The following FMN1 variants were observed in gnomAD, a reference collection of about 807,000 sequenced individuals.
FMN1 encodes formin-1.
Under a neutral mutation model 132.4 loss-of-function variants are expected in FMN1, and 110 were observed. The ratio of observed to expected loss-of-function variants is 0.83; its 90% CI spans 0.71 to 0.97. The LOEUF is 0.97. Ranked by LOEUF, FMN1 falls within the 50% of genes least tolerant of loss-of-function variation. The probability of loss-of-function intolerance (pLI) is 0.00; values close to 1 mark genes in which losing one functional copy is unlikely to be tolerated. For missense variants in FMN1, 1,792 were observed against 1,705.3 expected, an observed-to-expected ratio of 1.05 and a Z score of -0.90; for synonymous variants, 722 against 651.7, an observed-to-expected ratio of 1.11 and a Z score of -1.64.
At chr15:32,921,161 G>T (rs2060811932) in intron 10 of FMN1, among the ~76,000 whole-genome samples, 1 of 152,156 alleles carries the variant, frequency 6.6e-6, no homozygotes, top group Non-Finnish European at 1.5e-5. Context: ...TATTAGGGTG[G>T]GAGGACCTAG....
At chr15:32,891,680 G>A (rs1216476413) in intron 15 of FMN1, among the ~76,000 whole-genome samples, 2 of 152,154 alleles carry the variant, frequency 1.3e-5, no homozygotes, top group East Asian at 3.9e-4. Context: ...CCATCCATGA[G>A]CATGGGATAG....
At chr15:32,778,782 A>T (rs1325477353) in intron 19 of FMN1, among the ~76,000 whole-genome samples, 1 of 152,202 alleles carries the variant, frequency 6.6e-6, no homozygotes, top group Admixed American at 6.5e-5. Flanking sequence ...GAATTACCAT[A>T]TGACCCAGCA....
chr15:32,886,923 C>G (rs979262314), intron 16 of FMN1, among the ~76,000 whole-genome samples: 1 of 152,090 alleles, frequency 6.6e-6, no homozygotes, highest in Admixed American at 6.5e-5. Context: ...CAGAAAATAA[C>G]GACCGCAAGT....
chr15:32,924,447 G>A (rs902952152), intron 10 of FMN1, among the ~76,000 whole-genome samples: 1 of 152,166 alleles, frequency 6.6e-6, no homozygotes, highest in Non-Finnish European at 1.5e-5. Context: ...GTGTCTTGTA[G>A]GTCAGGACCT....
Position 32,766,148 on chromosome 15 carries a change from A to C in FMN1, c.*8162T>G, listed in dbSNP as rs2056038620. 6.6e-6 allele frequency: 1 copy of C among 152,068 alleles called. No individual in the cohort carries two copies. The highest frequency in any genetic ancestry group is 1.5e-5 in the Non-Finnish European group (1 of 68,030). The allele number at this position is 152,068 out of a possible 1,614,324, so 9.4% of individuals were successfully genotyped here. Reference sequence around the variant, plus strand: ...TACAGACTGGTCTAATACTTAATTAAACAGAAAAGCCTATGTTTTACCAGG... The same window carrying C: ...TACAGACTGGTCTAATACTTAATTACACAGAAAAGCCTATGTTTTACCAGG... On this transcript the variant is annotated 3_prime_UTR_variant, in exon 21 of 21. Transcript: ENST00000616417.
At chr15:33,090,163 A>AGG (rs2141364992) in intron 4 of FMN1, among the ~76,000 whole-genome samples, 1 of 152,314 alleles carries the variant, frequency 6.6e-6, no homozygotes, top group African/African-American at 2.4e-5. Flanking sequence ...TTAAAGGTTT[A>AGG]GGCTCAGTGT....
chr15:32,798,956 G>A lies in FMN1; in HGVS notation c.3981-3C>T, dbSNP rs1371047284. 6.2e-7 allele frequency: 1 copy of A among 1,612,386 alleles called. No homozygotes were observed. Among genetic ancestry groups the A allele is most frequent in the Non-Finnish European group, 8.5e-7 (1 of 1,179,380 alleles). On this transcript the variant is annotated splice_region_variant and splice_polypyrimidine_tract_variant and intron_variant, in intron 18 of 20. Coordinates refer to ENST00000616417, the MANE Select transcript of FMN1 (RefSeq NM_001277313.2). The stretch of plus-strand genomic sequence containing the variant: ...AATATCGTACTGTTGTTTCAAAACT[G>A]CAACAGGTAGGGGGGAAAATGGAAT...
chr15:32,969,384 G>A lies in FMN1; in HGVS notation c.2317C>T (p.Leu773=), dbSNP rs1212375914. 1 of 1,613,934 alleles carries A rather than the reference G, an allele frequency of 6.2e-7. No homozygotes were observed. Among genetic ancestry groups the A allele is most frequent in the Non-Finnish European group, 8.5e-7 (1 of 1,179,894 alleles). ...EETIENLKHE[L]EHRWRGGCEE... ...CAACCCCCTCGCCATCTGTGTTCTA[G>A]CTCGTGTTTCAGATTTTCAATGGTT... Residue 773 remains leucine (L), a synonymous_variant, in exon 8 of 21, where the codon CTA becomes TTA. Coordinates refer to ENST00000616417, the MANE Select transcript of FMN1 (RefSeq NM_001277313.2).
intron 18 of FMN1, among the ~76,000 whole-genome samples, chr15:32,799,458 A>G (rs1176216481): frequency 6.6e-6 from 1 of 152,190 alleles, no homozygotes; most frequent in Admixed American, 6.5e-5. Flanking sequence ...TCAATCACTC[A>G]GCATCTTTGA....
chr15:33,017,395 A>T (rs1376594175), intron 6 of FMN1, among the ~76,000 whole-genome samples: 2 of 144,394 alleles, frequency 1.4e-5, no homozygotes, highest in Non-Finnish European at 3.0e-5. Context: ...AAAGTGTGGT[A>T]TGTGGGCGCA....
rs76060853 is a variant in FMN1 at position 33,042,403 on chromosome 15, A to G, written c.2161+22554T>C. Among the ~76,000 whole-genome samples, 666 of 152,306 alleles carry G rather than the reference A, an allele frequency of 4.4e-3. 30 individuals are homozygous for G. In the East Asian group the frequency reaches 0.11, roughly 25 times the overall value. The stretch of plus-strand genomic sequence containing the variant: ...GAGAAAATGACCTTAAAGCTCATAT[A>G]CAAGAGTGTAAGTGCCTAAGCATCC... On this transcript the variant is annotated intron_variant, in intron 6 of 20. Coordinates refer to ENST00000616417, the MANE Select transcript of FMN1 (RefSeq NM_001277313.2).
chr15:32,938,874 C>G (rs1040181517), intron 9 of FMN1, among the ~76,000 whole-genome samples: 1 of 151,862 alleles, frequency 6.6e-6, no homozygotes, highest in Admixed American at 6.6e-5. Context: ...ATTGTTTTTG[C>G]TATATTTTCC....
intron 17 of FMN1, among the ~76,000 whole-genome samples, chr15:32,845,661 T>A (rs2058838647): frequency 6.6e-6 from 1 of 152,098 alleles, no homozygotes; most frequent in Non-Finnish European, 1.5e-5. Flanking sequence ...AAAAAATCAG[T>A]TTCAAAGGAT....
At chr15:33,098,056 T>C (rs1328785061) in intron 4 of FMN1, among the ~76,000 whole-genome samples, 1 of 152,194 alleles carries the variant, frequency 6.6e-6, no homozygotes, top group Admixed American at 6.5e-5. Flanking sequence ...AATATATTCA[T>C]TGGCTACAAT....
At chr15:33,077,470 T>C (rs1157635161) in intron 5 of FMN1, among the ~76,000 whole-genome samples, 1 of 151,640 alleles carries the variant, frequency 6.6e-6, no homozygotes, top group African/African-American at 2.4e-5. Context: ...ACCCAATAAC[T>C]CGTCATTTAC....
intron 4 of FMN1, among the ~76,000 whole-genome samples, chr15:33,115,350 T>C (rs1021254013): frequency 4.6e-5 from 7 of 152,154 alleles, no homozygotes; most frequent in African/African-American, 1.7e-4. Context: ...AAGAAACATG[T>C]ACACATAAAA....
chr15:32,835,863 T>C (rs2058611117), intron 17 of FMN1, among the ~76,000 whole-genome samples: 1 of 152,144 alleles, frequency 6.6e-6, no homozygotes, highest in Admixed American at 6.5e-5. Flanking sequence ...TTTTATTTTA[T>C]TATTATTATT....
chr15:32,978,349 C>T (rs866333958), intron 7 of FMN1, among the ~76,000 whole-genome samples: 2 of 152,182 alleles, frequency 1.3e-5, no homozygotes, highest in South Asian at 2.1e-4. Context: ...AAATAAAAGG[C>T]ATTATTACTC....
chr15:32,833,148 C>G lies in FMN1; in HGVS notation c.3928+23867G>C, dbSNP rs192661428. 1.1e-3 allele frequency among the ~76,000 whole-genome samples: 170 copies of G among 152,280 alleles called. 1 individual carries two copies. In the South Asian group the frequency reaches 0.015, roughly 14 times the overall value. On this transcript the variant is annotated intron_variant, in intron 17 of 20. Coordinates refer to ENST00000616417, the MANE Select transcript of FMN1 (RefSeq NM_001277313.2). Reference sequence around the variant, plus strand: ...CTAGCTTTCTAATTTCTTCTTGTCTCTAATGGTCATATTTTAGGATGTCAT... The same window carrying G: ...CTAGCTTTCTAATTTCTTCTTGTCTGTAATGGTCATATTTTAGGATGTCAT...
Sources: gnomAD v4.1 joint callset for allele counts (sites outside exome capture counted in the v4.1 genomes callset) on GRCh38, gnomAD v4.1.1 for gene constraint, MANE v1.5 for transcripts, NCBI Gene and HGNC (gene_info 2026-07-23, HGNC 2026-07-21) for gene names.